The following SLC14A2 variants were observed in gnomAD, a reference collection of about 807,000 sequenced individuals.
SLC14A2 encodes the protein solute carrier family 14 member 2.
In SLC14A2, 91 loss-of-function variants were observed where a neutral mutation model predicts 104.6. That is an observed-to-expected ratio of 0.87 (90% CI 0.73 to 1.04). SLC14A2 has a LOEUF of 1.04. Among genes scored for constraint, SLC14A2 ranks in the 50% least tolerant of loss-of-function variants. The pLI is 0.00. For synonymous variants in SLC14A2, 476 were observed against 466.4 expected (o/e 1.02, Z -0.27); for missense variants, 1,189 against 1,156.0 (o/e 1.03, Z -0.41).
At chr18:45,367,543 C>G (rs1372250926) in intron 1 of SLC14A2, among the ~76,000 whole-genome samples, 1 of 152,212 alleles carries the variant, frequency 6.6e-6, no homozygotes, top group Non-Finnish European at 1.5e-5. Context: ...AACCTGTGGA[C>G]TCAACATTTT....
chr18:45,269,380 G>T (rs1254495845), intron 1 of SLC14A2, among the ~76,000 whole-genome samples: 2 of 151,996 alleles, frequency 1.3e-5, no homozygotes. Context: ...TCCATTTAGG[G>T]CAAGAAGTAG....
At chr18:45,240,380 C>A (rs1000456998) in intron 1 of SLC14A2, among the ~76,000 whole-genome samples, 1 of 152,026 alleles carries the variant, frequency 6.6e-6, no homozygotes, top group Non-Finnish European at 1.5e-5. Flanking sequence ...CAGGCATGAG[C>A]CACCACGCCC....
At chr18:45,495,001 G>A (rs1012275498) in intron 2 of SLC14A2, among the ~76,000 whole-genome samples, 6 of 151,400 alleles carry the variant, frequency 4.0e-5, no homozygotes, top group Non-Finnish European at 8.8e-5. Flanking sequence ...TCATAAAATA[G>A]AAAGCCAGGT....
At chr18:45,375,944 G>A (rs1033496643) in intron 1 of SLC14A2, among the ~76,000 whole-genome samples, 17 of 152,188 alleles carry the variant, frequency 1.1e-4, no homozygotes, top group African/African-American at 3.9e-4. Flanking sequence ...CATACCCACT[G>A]GCCAGGACAA....
chr18:45,567,639 G>A (rs1203376188), intron 2 of SLC14A2, among the ~76,000 whole-genome samples: 1 of 152,140 alleles, frequency 6.6e-6, no homozygotes, highest in Non-Finnish European at 1.5e-5. Context: ...GGGAGTGTGA[G>A]GAAGGCAGAA....
intron 1 of SLC14A2, among the ~76,000 whole-genome samples, chr18:45,321,575 G>C (rs1188156521): frequency 1.3e-5 from 2 of 152,174 alleles, no homozygotes. Flanking sequence ...GAAGAAAGCG[G>C]ATCTGTGTTC....
intron 1 of SLC14A2, among the ~76,000 whole-genome samples, chr18:45,327,469 T>C (rs2085247454): frequency 6.6e-6 from 1 of 152,084 alleles, no homozygotes; most frequent in Non-Finnish European, 1.5e-5. Flanking sequence ...TCCAGACCTT[T>C]TTCATCATCC....
chr18:45,236,179 A>G lies in SLC14A2; in HGVS notation c.-125+22988A>G, dbSNP rs1485949386. Among the ~76,000 whole-genome samples, 13 of 57,354 alleles carry G rather than the reference A, an allele frequency of 2.3e-4. 1 individual carries two copies. Among genetic ancestry groups the G allele is most frequent in the South Asian group, 5.4e-4 (1 of 1,838 alleles). The allele number at this position is 57,354 out of a possible 152,430, so 37.6% of individuals were successfully genotyped here. A position where few individuals can be genotyped will look rare whatever the true frequency, so the allele number is the denominator to read the frequency against. On this transcript the variant is annotated intron_variant, in intron 1 of 20. Transcript: ENST00000586448. The stretch of plus-strand genomic sequence containing the variant: ...TGTGTATATATGTGTATATATACAT[A>G]TATGTGTGTATATATGTGTATATAT...
chr18:45,197,268 G>T, the SLC14A2 span, among the ~76,000 whole-genome samples: 1 of 152,122 alleles, frequency 6.6e-6, no homozygotes, highest in Non-Finnish European at 1.5e-5. Context: ...TCATTCACCT[G>T]TTCTATCTCA....
At chr18:45,511,211 T>C (rs951432855) in intron 2 of SLC14A2, among the ~76,000 whole-genome samples, 1 of 152,204 alleles carries the variant, frequency 6.6e-6, no homozygotes. Flanking sequence ...TTATTATGTA[T>C]AGCCTTACAT....
At chr18:45,427,406 A>G (rs2086449722) in intron 1 of SLC14A2, among the ~76,000 whole-genome samples, 1 of 152,112 alleles carries the variant, frequency 6.6e-6, no homozygotes, top group Admixed American at 6.5e-5. Context: ...GTACCAAGCA[A>G]TGGGTTCATT....
chr18:45,476,154 A>G (rs1236185647), intron 1 of SLC14A2, among the ~76,000 whole-genome samples: 2 of 152,120 alleles, frequency 1.3e-5, no homozygotes, highest in South Asian at 2.1e-4. Context: ...TTCCTTCAGG[A>G]GCTCTTGTAA....
chr18:45,253,546 A>G (rs1239747717), intron 1 of SLC14A2, among the ~76,000 whole-genome samples: 1 of 152,150 alleles, frequency 6.6e-6, no homozygotes, highest in Non-Finnish European at 1.5e-5. Flanking sequence ...CTTAATTTGA[A>G]AGCACAGAGC....
intron 2 of SLC14A2, among the ~76,000 whole-genome samples, chr18:45,580,544 A>C (rs960794198): frequency 1.3e-5 from 2 of 152,208 alleles, no homozygotes; most frequent in African/African-American, 4.8e-5. Context: ...TCACAGAAGA[A>C]GACAGTCTAG....
chr18:45,672,664 C>T (rs1122903), intron 16 of SLC14A2, among the ~76,000 whole-genome samples: 25,898 of 152,172 alleles, frequency 0.17, 2,853 homozygotes, highest in East Asian at 0.32. Flanking sequence ...GCCTCACGCT[C>T]ATATTTCTAA....
chr18:45,643,023 A>C, intron 8 of SLC14A2, 109 bp from the exon 9 acceptor site: 4 of 899,762 alleles, frequency 4.4e-6, no homozygotes, highest in Non-Finnish European at 7.4e-6. Context: ...AGGCTGCAGG[A>C]GAGAGGGTGG....
In SLC14A2 at chr18:45,506,406, G is replaced by A. The variant is rs756511943; in HGVS notation, c.-35+23084G>A. ...TTTGCTGAATTCCGAGCTGTAGTGG[G>A]TTGAATCGTGCCCCATCAAAAAAAT... On this transcript the variant is annotated intron_variant, in intron 2 of 20. Coordinates refer to the SLC14A2 transcript ENST00000586448. Among the ~76,000 whole-genome samples, 4 of 152,190 alleles carry A rather than the reference G, an allele frequency of 2.6e-5. No individual in the cohort carries two copies. In the South Asian group the frequency reaches 8.3e-4, roughly 31 times the overall value.
chr18:45,594,950 T>C (rs2044700376), intron 2 of SLC14A2, among the ~76,000 whole-genome samples: 1 of 152,034 alleles, frequency 6.6e-6, no homozygotes, highest in African/African-American at 2.4e-5. Flanking sequence ...CCCCAACCCC[T>C]GTGAGACTTC....
intron 1 of SLC14A2, among the ~76,000 whole-genome samples, chr18:45,234,738 A>G (rs1599596336): frequency 6.6e-6 from 1 of 152,280 alleles, no homozygotes; most frequent in East Asian, 1.9e-4. Flanking sequence ...TTGTTGGGAA[A>G]CCGTATCTGC....
Sources: gnomAD v4.1 joint callset for allele counts (sites outside exome capture counted in the v4.1 genomes callset) on GRCh38, gnomAD v4.1.1 for gene constraint, MANE v1.5 for transcripts, NCBI Gene and HGNC (gene_info 2026-07-23, HGNC 2026-07-21) for gene names.